PSMA8: variants seen among roughly 807,000 people sequenced by gnomAD.
PSMA8 encodes the protein proteasome subunit alpha-type 8.
In PSMA8, 18 loss-of-function variants were observed where a neutral mutation model predicts 32.4. The ratio of observed to expected loss-of-function variants is 0.56; its 90% CI spans 0.38 to 0.82. The LOEUF (loss-of-function observed/expected upper bound fraction) is 0.82, where lower values mean the gene tolerates loss of function less well. Among genes scored for constraint, PSMA8 ranks in the 40% least tolerant of loss-of-function variants. PSMA8 has a pLI of 0.00. For missense variants in PSMA8, 298 were observed against 300.7 expected (o/e 0.99, Z 0.07); for synonymous variants, 104 against 98.1 (o/e 1.06, Z -0.36).
chr18:26,151,825 G>C, intron 2 of PSMA8, 33 bp from the exon 3 acceptor site: 2 of 1,565,468 alleles, frequency 1.3e-6, no homozygotes, highest in East Asian at 4.5e-5. Flanking sequence ...ATATGTTTTT[G>C]TGGTTTTTGT....
chr18:26,149,253 G>A (rs938575246), intron 2 of PSMA8, among the ~76,000 whole-genome samples: 3 of 152,116 alleles, frequency 2.0e-5, no homozygotes, highest in Non-Finnish European at 4.4e-5. Flanking sequence ...ATGAATTTAA[G>A]GAGGCAAAAG....
At chr18:26,167,299 T>C (rs2055188132) in intron 4 of PSMA8, among the ~76,000 whole-genome samples, 2 of 152,178 alleles carry the variant, frequency 1.3e-5, no homozygotes, top group South Asian at 2.1e-4. Context: ...TAATAACATA[T>C]TGCAATATGT....
At chr18:26,187,219 G>A (rs750554042) in intron 6 of PSMA8, among the ~76,000 whole-genome samples, 13 of 152,076 alleles carry the variant, frequency 8.5e-5, no homozygotes, top group Non-Finnish European at 1.5e-4. Flanking sequence ...GATGGTGTGC[G>A]CCTGTTGTCC....
chr18:26,139,983 A>G (rs2054941780), intron 1 of PSMA8: 8 of 695,938 alleles, frequency 1.1e-5, no homozygotes, highest in East Asian at 2.7e-5. Context: ...AAAGATTGTT[A>G]CTTTTTAATT....
rs369910309 is a variant in PSMA8 at position 26,142,256 on chromosome 18, G to A, written c.103-2303G>A. 1.3e-4 allele frequency among the ~76,000 whole-genome samples: 19 copies of A among 151,962 alleles called. No individual in the cohort carries two copies. The East Asian group carries it at 3.1e-3, about 25-fold the overall frequency. ...GGGTTTCACCGTGTTAGCCAGGATG[G>A]TCTCTATCTCCTGACCTCGTGATCC... On this transcript the variant is annotated intron_variant, in intron 1 of 6. Coordinates refer to ENST00000415576, the MANE Select transcript of PSMA8 (RefSeq NM_001025096.2).
At chr18:26,171,699 A>G (rs552740332) in intron 4 of PSMA8, among the ~76,000 whole-genome samples, 1 of 151,852 alleles carries the variant, frequency 6.6e-6, no homozygotes, top group East Asian at 1.9e-4. Flanking sequence ...GTGCCACTGC[A>G]CTCCAGCCTG....
chr18:26,149,566 T>C (rs968731157), intron 2 of PSMA8, among the ~76,000 whole-genome samples: 3 of 152,224 alleles, frequency 2.0e-5, no homozygotes, highest in Non-Finnish European at 2.9e-5. Context: ...GTTTCATGAC[T>C]GGCTTAATGA....
At position 26,171,433 on chromosome 18, in the gene PSMA8, A is replaced by T. The variant is rs983857986; in HGVS notation, c.478-7397A>T. Reference sequence around the variant, plus strand: ...TTATTTTTAAATGAATTAAATTTTTAAAAAATTTTCTGAGTTTCGGCCGGG... The same window carrying T: ...TTATTTTTAAATGAATTAAATTTTTTAAAAATTTTCTGAGTTTCGGCCGGG... On this transcript the variant is annotated intron_variant, in intron 4 of 6. Transcript: ENST00000415576. 3.8e-5 allele frequency: 37 copies of T among 986,366 alleles called. 1 individual carries two copies. The highest frequency in any genetic ancestry group is 5.6e-5 in the South Asian group (4 of 71,188). 61.1% of individuals were successfully genotyped at this position (986,366 alleles called of 1,614,324 possible).
At chr18:26,159,291 C>T (rs1162016466) in intron 4 of PSMA8, among the ~76,000 whole-genome samples, 1 of 151,974 alleles carries the variant, frequency 6.6e-6, no homozygotes, top group African/African-American at 2.4e-5. Context: ...TTTTGTAAAC[C>T]GTTAACCAGG....
At chr18:26,158,014 T>C in intron 3 of PSMA8, 108 bp from the exon 4 acceptor site, 1 of 724,108 alleles carries the variant, frequency 1.4e-6, no homozygotes, top group Non-Finnish European at 2.2e-6. Context: ...TTAATATATG[T>C]CGAATAAGAA....
At chr18:26,138,963 C>T (rs2054933699) in intron 1 of PSMA8, among the ~76,000 whole-genome samples, 1 of 152,088 alleles carries the variant, frequency 6.6e-6, no homozygotes, top group Admixed American at 6.6e-5. Flanking sequence ...CTGTTTTGGA[C>T]TTGCTGAGGT....
At chr18:26,139,454 G>A (rs964300950) in intron 1 of PSMA8, among the ~76,000 whole-genome samples, 1 of 152,234 alleles carries the variant, frequency 6.6e-6, no homozygotes, top group Non-Finnish European at 1.5e-5. Flanking sequence ...CCCTGAGCCA[G>A]AGGAATTAGC....
At chr18:26,146,918 G>A (rs763097644) in intron 2 of PSMA8, among the ~76,000 whole-genome samples, 2 of 152,060 alleles carry the variant, frequency 1.3e-5, no homozygotes, top group East Asian at 1.9e-4. Flanking sequence ...GCTTTTGGGC[G>A]GCCTCAGTAA....
At chr18:26,184,775 A>G (rs75042914) in intron 6 of PSMA8, among the ~76,000 whole-genome samples, 1 of 136,106 alleles carries the variant, frequency 7.3e-6, no homozygotes, top group Non-Finnish European at 1.6e-5. Context: ...CTCTGTCTCA[A>G]AAAAAAAAAA....
At chr18:26,181,507 A>G (rs2055311220) in intron 6 of PSMA8, among the ~76,000 whole-genome samples, 1 of 152,210 alleles carries the variant, frequency 6.6e-6, no homozygotes, top group Non-Finnish European at 1.5e-5. Context: ...CTGTCACATG[A>G]GTTTTAAATA....
intron 3 of PSMA8, among the ~76,000 whole-genome samples, chr18:26,157,446 G>A (rs1032896397): frequency 3.3e-5 from 5 of 151,534 alleles, no homozygotes; most frequent in Admixed American, 6.6e-5. Flanking sequence ...TTCTTTGCAC[G>A]ACTTTTGGGG....
chr18:26,162,987 A>G (rs969351113), intron 4 of PSMA8, among the ~76,000 whole-genome samples: 39 of 151,960 alleles, frequency 2.6e-4, no homozygotes, highest in Admixed American at 2.6e-3. Context: ...ATTCCCAAAG[A>G]TTATTCACCA....
chr18:26,190,688 G>T (rs1254292707), intron 6 of PSMA8, among the ~76,000 whole-genome samples: 1 of 152,220 alleles, frequency 6.6e-6, no homozygotes, highest in Non-Finnish European at 1.5e-5. Context: ...GGCAGAGGTT[G>T]CAGTGAGCTG....
chr18:26,180,695 G>GACACACACACACACACAAAC (rs2055303630), intron 6 of PSMA8, among the ~76,000 whole-genome samples: 1 of 143,356 alleles, frequency 7.0e-6, no homozygotes, highest in African/African-American at 2.5e-5. Context: ...TATAAAAATA[G>GACACACACACACACACAAAC]ACACACACAC....
Sources: allele counts gnomAD v4.1 joint callset (sites outside exome capture counted in the v4.1 genomes callset), GRCh38; gene constraint gnomAD v4.1.1; transcripts MANE v1.5; gene names NCBI Gene and HGNC (gene_info 2026-07-23, HGNC 2026-07-21).